The following RSRC1 variants were observed in gnomAD, a reference collection of about 807,000 sequenced individuals.
The protein encoded by RSRC1 is serine/Arginine-related protein 53.
In RSRC1, 39 loss-of-function variants were observed where a neutral mutation model predicts 49.1. That is an observed-to-expected ratio of 0.79 (90% CI 0.61 to 1.04). The LOEUF (loss-of-function observed/expected upper bound fraction) is 1.04, where lower values mean the gene tolerates loss of function less well. Ranked by LOEUF, RSRC1 falls within the 50% of genes least tolerant of loss-of-function variation. The pLI, the probability that RSRC1 is intolerant of heterozygous loss-of-function variation, is 0.00. For synonymous variants in RSRC1, 143 were observed against 130.8 expected, an observed-to-expected ratio of 1.09 and a Z score of -0.63; for missense variants, 388 against 402.4, an observed-to-expected ratio of 0.96 and a Z score of 0.31.
At chr3:158,430,076 A>AAT (rs1553804855) in intron 6 of RSRC1, among the ~76,000 whole-genome samples, 7 of 149,558 alleles carry the variant, frequency 4.7e-5, no homozygotes, top group African/African-American at 1.7e-4. Context: ...CACACACAAA[A>AAT]AAAATAAAAT....
At chr3:158,543,589 A>T (rs1713159826) in intron 9 of RSRC1, 102 bp downstream of exon 9, 1 of 1,224,972 alleles carries the variant, frequency 8.2e-7, no homozygotes, top group East Asian at 2.5e-5. Context: ...CCATTGGAGG[A>T]AACAGGTTCA....
intron 7 of RSRC1, among the ~76,000 whole-genome samples, chr3:158,502,562 T>G (rs1362244752): frequency 6.6e-6 from 1 of 152,182 alleles, no homozygotes; most frequent in Non-Finnish European, 1.5e-5. Flanking sequence ...TTCTTTTTTC[T>G]TATTCTTTTT....
chr3:158,377,077 T>C (rs1732416837), intron 6 of RSRC1, among the ~76,000 whole-genome samples: 1 of 152,206 alleles, frequency 6.6e-6, no homozygotes, highest in African/African-American at 2.4e-5. Context: ...AGTTTAGTCA[T>C]TGAAGTCATT....
chr3:158,498,095 G>A (rs934576700), intron 7 of RSRC1, among the ~76,000 whole-genome samples: 2 of 152,078 alleles, frequency 1.3e-5, no homozygotes, highest in Admixed American at 1.3e-4. Context: ...CCCAGTAGTG[G>A]GATTGCTGGA....
At chr3:158,188,796 G>T (rs942610681) in intron 3 of RSRC1, among the ~76,000 whole-genome samples, 1 of 151,698 alleles carries the variant, frequency 6.6e-6, no homozygotes, top group Non-Finnish European at 1.5e-5. Context: ...ATCAACTTTG[G>T]TCTTTCTTGA....
intron 3 of RSRC1, among the ~76,000 whole-genome samples, chr3:158,126,287 G>T (rs1715623575): frequency 6.6e-5 from 10 of 151,854 alleles, no homozygotes; most frequent in Admixed American, 6.6e-4. Context: ...TAGCTATTTT[G>T]TCTCTCATGT....
intron 6 of RSRC1, among the ~76,000 whole-genome samples, chr3:158,372,870 T>G (rs1732158250): frequency 6.6e-6 from 1 of 151,908 alleles, no homozygotes; most frequent in Non-Finnish European, 1.5e-5. Context: ...TTTATTTCTT[T>G]TATCAGAGAT....
At position 158,543,342 on chromosome 3, in the gene RSRC1, A is replaced by G; in HGVS notation, c.767A>G (p.Glu256Gly). 1.3e-6 allele frequency: 2 copies of G among 1,567,346 alleles called. No individual in the cohort carries two copies. The change falls in exon 9 of 10, where the codon GAA becomes GGA. Residue 256 changes from glutamate to glycine, a missense_variant. By Grantham distance (98) the Glu-to-Gly change is moderately conservative. Coordinates refer to ENST00000611884, the MANE Select transcript of RSRC1 (RefSeq NM_001271838.2). ...ATGTGTTGTTTCTTTCAGTCAGTGG[A>G]ACCTAGTGAAGTGAAACAAGCAACT... ...RSSKEVKKSV[E>G]PSEVKQATST... is the part of the protein sequence containing the mutation.
At chr3:158,493,585 A>G (rs1739185406) in intron 7 of RSRC1, among the ~76,000 whole-genome samples, 1 of 152,246 alleles carries the variant, frequency 6.6e-6, no homozygotes, top group African/African-American at 2.4e-5. Context: ...AATTGAGCTA[A>G]GAATAATTCA....
chr3:158,417,486 T>C (rs1222282124), intron 6 of RSRC1, among the ~76,000 whole-genome samples: 1 of 151,944 alleles, frequency 6.6e-6, no homozygotes, highest in African/African-American at 2.4e-5. Flanking sequence ...AAGGAGGCAA[T>C]ATAGTAAAGT....
chr3:158,438,390 G>C (rs1460022763), intron 6 of RSRC1, among the ~76,000 whole-genome samples: 2 of 152,088 alleles, frequency 1.3e-5, no homozygotes, highest in Non-Finnish European at 2.9e-5. Flanking sequence ...AACAAAGCTG[G>C]AGGTATCATG....
chr3:158,465,466 C>A (rs77741984), intron 7 of RSRC1, among the ~76,000 whole-genome samples: 2 of 152,290 alleles, frequency 1.3e-5, no homozygotes, highest in East Asian at 3.9e-4. Flanking sequence ...TTTGTTCCTT[C>A]TGGATACCCT....
At chr3:158,134,397 A>C (rs1281097638) in intron 3 of RSRC1, among the ~76,000 whole-genome samples, 3 of 152,156 alleles carry the variant, frequency 2.0e-5, no homozygotes, top group African/African-American at 7.2e-5. Context: ...GCTTTTATAG[A>C]ATAATAGTAT....
At chr3:158,210,080 A>T (rs538001180) in intron 4 of RSRC1, among the ~76,000 whole-genome samples, 1 of 152,220 alleles carries the variant, frequency 6.6e-6, no homozygotes, top group Non-Finnish European at 1.5e-5. Flanking sequence ...TTACATACTT[A>T]TAGAGTCTGT....
chr3:158,488,848 C>G (rs749834547), intron 7 of RSRC1, among the ~76,000 whole-genome samples: 17 of 152,122 alleles, frequency 1.1e-4, no homozygotes, highest in Non-Finnish European at 2.1e-4. Context: ...CTATTTGGCT[C>G]TAGCATGATT....
intron 5 of RSRC1, among the ~76,000 whole-genome samples, chr3:158,326,784 G>T (rs1399179323): frequency 6.6e-6 from 1 of 152,170 alleles, no homozygotes; most frequent in East Asian, 1.9e-4. Context: ...CTATTGATTG[G>T]AATAGTTTCA....
chr3:158,303,177 A>C, intron 5 of RSRC1: 1 of 152,360 alleles, frequency 6.6e-6, no homozygotes, highest in East Asian at 1.9e-4. Context: ...TTTTATAAGC[A>C]AACTATAAAA....
intron 6 of RSRC1, among the ~76,000 whole-genome samples, chr3:158,430,076 A>AAAAATAAAATAAAATAAAATAAAAT (rs59953349): frequency 1.3e-5 from 2 of 149,558 alleles, no homozygotes; most frequent in African/African-American, 5.0e-5. Flanking sequence ...CACACACAAA[A>AAAAATAAAATAAAATAAAATAAAAT]AAAATAAAAT....
intron 3 of RSRC1, among the ~76,000 whole-genome samples, chr3:158,134,516 A>G (rs1452682796): frequency 6.6e-6 from 1 of 152,230 alleles, no homozygotes; most frequent in Non-Finnish European, 1.5e-5. Flanking sequence ...AGTTTGCAGC[A>G]TCCTTTAGAT....
Sources: allele counts gnomAD v4.1 joint callset (sites outside exome capture counted in the v4.1 genomes callset), GRCh38; gene constraint gnomAD v4.1.1; transcripts MANE v1.5; gene names NCBI Gene and HGNC (gene_info 2026-07-23, HGNC 2026-07-21).